The following RARS2 variants were observed in gnomAD, a reference collection of about 807,000 sequenced individuals.
The protein encoded by RARS2 is probable arginine--tRNA ligase, mitochondrial.
RARS2 carries 67 observed loss-of-function variants against 88.5 expected under a neutral mutation model. That is an observed-to-expected ratio of 0.76 (90% CI 0.62 to 0.93). The LOEUF (loss-of-function observed/expected upper bound fraction) is 0.93. Among genes scored for constraint, RARS2 ranks in the 40% least tolerant of loss-of-function variants. The probability of loss-of-function intolerance (pLI) is 0.00; values close to 1 mark genes in which losing one functional copy is unlikely to be tolerated. For synonymous variants in RARS2, 239 were observed against 230.3 expected (o/e 1.04, Z -0.34); for missense variants, 664 against 684.2 (o/e 0.97, Z 0.33).
At chr6:87,586,881 GTTATTTAT>G (rs145438214) in intron 1 of RARS2, among the ~76,000 whole-genome samples, 77,997 of 147,328 alleles carry the variant, frequency 0.53, 20,884 homozygotes, top group Admixed American at 0.62. Context: ...TGTGGGGTTG[GTTATTTAT>G]TTATTTATTT....
intron 7 of RARS2, among the ~76,000 whole-genome samples, chr6:87,543,865 T>C (rs956297542): frequency 6.6e-6 from 1 of 152,120 alleles, no homozygotes; most frequent in Non-Finnish European, 1.5e-5. Flanking sequence ...TTCAGGGTGG[T>C]TGGAGCAGTG....
intron 1 of RARS2, chr6:87,584,687 G>A (rs976888830): frequency 2.1e-6 from 1 of 467,752 alleles, no homozygotes; most frequent in African/African-American, 2.0e-5. Flanking sequence ...CTGAGAGACT[G>A]AAGAAAGCAG....
chr6:87,557,102 T>G (rs1420078179), intron 4 of RARS2, among the ~76,000 whole-genome samples: 1 of 152,180 alleles, frequency 6.6e-6, no homozygotes, highest in Non-Finnish European at 1.5e-5. Context: ...CATAAAGTGC[T>G]AGGTCCAAGA....
chr6:87,531,062 A>G, intron 8 of RARS2, 120 bp from the exon 9 acceptor site: 1 of 1,491,540 alleles, frequency 6.7e-7, no homozygotes, highest in Non-Finnish European at 9.0e-7. Flanking sequence ...CAAGTTGGGT[A>G]CATTACAGAG....
At chr6:87,575,274 C>T (rs1771111795) in intron 1 of RARS2, among the ~76,000 whole-genome samples, 1 of 145,892 alleles carries the variant, frequency 6.9e-6, no homozygotes, top group South Asian at 2.1e-4. Context: ...CACACACACA[C>T]ACACCTTGGC....
intron 18 of RARS2, 40 bp from the exon 19 acceptor site, chr6:87,515,060 A>G (rs1771113346): frequency 1.1e-5 from 17 of 1,491,016 alleles, no homozygotes; most frequent in Middle Eastern, 1.7e-4. Context: ...TACCAGCAGT[A>G]ATTTCCTGTT....
At chr6:87,544,569 C>T (rs1468880573) in intron 7 of RARS2, among the ~76,000 whole-genome samples, 1 of 152,166 alleles carries the variant, frequency 6.6e-6, no homozygotes. Context: ...AGAAATGATA[C>T]TAGAGCTGTT....
intron 8 of RARS2, among the ~76,000 whole-genome samples, chr6:87,541,015 A>G (rs1780764714): frequency 6.6e-6 from 1 of 151,628 alleles, no homozygotes; most frequent in Non-Finnish European, 1.5e-5. Flanking sequence ...GCTGCAGTAC[A>G]TATTAACTGA....
At chr6:87,546,020 C>T (rs1782533522) in intron 6 of RARS2, among the ~76,000 whole-genome samples, 1 of 151,976 alleles carries the variant, frequency 6.6e-6, no homozygotes, top group Non-Finnish European at 1.5e-5. Context: ...AAAAAAAAAT[C>T]CCAGTAATTA....
chr6:87,541,018 T>C, intron 8 of RARS2, among the ~76,000 whole-genome samples: 1 of 152,270 alleles, frequency 6.6e-6, no homozygotes, highest in South Asian at 2.1e-4. Flanking sequence ...GCAGTACATA[T>C]TAACTGACAG....
chr6:87,541,056 A>G (rs1288381468), intron 8 of RARS2, among the ~76,000 whole-genome samples: 1 of 129,616 alleles, frequency 7.7e-6, no homozygotes, highest in African/African-American at 3.2e-5. Context: ...GTGTCGAATA[A>G]TTATCTTGCA....
chr6:87,522,975 A>G (rs1774435121), intron 11 of RARS2, among the ~76,000 whole-genome samples: 1 of 152,226 alleles, frequency 6.6e-6, no homozygotes, highest in Non-Finnish European at 1.5e-5. Context: ...GAGATACAGA[A>G]TATCTGTGGG....
intron 1 of RARS2, among the ~76,000 whole-genome samples, chr6:87,584,391 GTTATCT>G (rs1342477343): frequency 6.6e-6 from 1 of 152,144 alleles, no homozygotes; most frequent in Non-Finnish European, 1.5e-5. Flanking sequence ...ATTAAGCACT[GTTATCT>G]TTATCTCATT....
rs71018031 is a variant in RARS2 at position 87,535,052 on chromosome 6, T to TTCTTA, written c.613-4111_613-4110insTAAGA. ...TTTGCATGATTTAGTAGGTGGGAAA[T>TTCTTA]TCAATGACTTACACTGACTCTTACA... On this transcript the variant is annotated intron_variant, in intron 8 of 19. Coordinates refer to ENST00000369536, the MANE Select transcript of RARS2 (RefSeq NM_020320.5). Among the ~76,000 whole-genome samples the TTCTTA allele has an allele frequency of 0.61, 91,694 of 151,358 alleles. 28,540 individuals carry two copies. Among genetic ancestry groups the TTCTTA allele is most frequent in the African/African-American group, 0.75 (30,969 of 41,212 alleles).
intron 1 of RARS2, among the ~76,000 whole-genome samples, chr6:87,574,195 T>C (rs986996383): frequency 2.6e-5 from 4 of 152,234 alleles, no homozygotes; most frequent in African/African-American, 9.6e-5. Context: ...TACATTCTCC[T>C]ACTGCAGAAA....
At chr6:87,562,253 C>T (rs1038087655) in intron 4 of RARS2, among the ~76,000 whole-genome samples, 4 of 152,202 alleles carry the variant, frequency 2.6e-5, no homozygotes, top group African/African-American at 4.8e-5. Context: ...GTCTACTATA[C>T]GCCTAGGCTG....
intron 2 of RARS2, 97 bp from the exon 3 acceptor site, chr6:87,564,329 C>T: frequency 1.1e-6 from 1 of 887,474 alleles, no homozygotes; most frequent in Non-Finnish European, 1.8e-6. Context: ...TGAGACATAC[C>T]TTTACCAGAA....
At chr6:87,536,047 A>T (rs1286170598) in intron 8 of RARS2, among the ~76,000 whole-genome samples, 1 of 151,960 alleles carries the variant, frequency 6.6e-6, no homozygotes, top group Non-Finnish European at 1.5e-5. Context: ...TTGGCATGAT[A>T]TTTATCTCTT....
At chr6:87,543,932 C>T (rs951227600) in intron 7 of RARS2, among the ~76,000 whole-genome samples, 17 of 152,268 alleles carry the variant, frequency 1.1e-4, no homozygotes, top group African/African-American at 3.4e-4. Context: ...AGGGCCAATT[C>T]CATTTAACAT....
Sources: gnomAD v4.1 joint callset for allele counts (sites outside exome capture counted in the v4.1 genomes callset) on GRCh38, gnomAD v4.1.1 for gene constraint, MANE v1.5 for transcripts, NCBI Gene and HGNC (gene_info 2026-07-23, HGNC 2026-07-21) for gene names.